Variants in PCSK6 observed in about 807,000 individuals in gnomAD.
PCSK6 encodes the protein proprotein convertase subtilisin/kexin type 6.
A neutral mutation model predicts 123.3 loss-of-function variants in PCSK6; 85 were observed. That is an observed-to-expected ratio of 0.69 (90% CI 0.58 to 0.83). PCSK6 has a LOEUF of 0.83. Among genes scored for constraint, PCSK6 ranks in the 40% least tolerant of loss-of-function variants. The pLI is 0.00. For missense variants in PCSK6, 1,191 were observed against 1,282.3 expected (o/e 0.93, Z 1.09); for synonymous variants, 508 against 516.0 (o/e 0.98, Z 0.21).
intron 6 of PCSK6, among the ~76,000 whole-genome samples, chr15:101,408,398 C>A (rs182353179): frequency 1.1e-4 from 17 of 152,360 alleles, no homozygotes; most frequent in African/African-American, 4.1e-4. Context: ...GCTATGCAGC[C>A]CACAGCATTC....
chr15:101,388,984 GATTAT>G (rs2042150332), intron 9 of PCSK6, among the ~76,000 whole-genome samples: 1 of 152,174 alleles, frequency 6.6e-6, no homozygotes, highest in African/African-American at 2.4e-5. Flanking sequence ...CTCAGAATAT[GATTAT>G]ATTTGGAGAT....
At chr15:101,397,846 G>A (rs2042460080) in intron 7 of PCSK6, among the ~76,000 whole-genome samples, 2 of 152,226 alleles carry the variant, frequency 1.3e-5, no homozygotes, top group South Asian at 4.1e-4. Context: ...TTGGCCCATC[G>A]GCAGAGAAGC....
At chr15:101,345,135 C>T (rs913275009) in intron 13 of PCSK6, among the ~76,000 whole-genome samples, 11 of 152,054 alleles carry the variant, frequency 7.2e-5, no homozygotes, top group Non-Finnish European at 1.2e-4. Context: ...AGGTGGGCTC[C>T]ACAGATGAAG....
At chr15:101,369,354 G>A (rs1257257267) in intron 12 of PCSK6, among the ~76,000 whole-genome samples, 1 of 152,186 alleles carries the variant, frequency 6.6e-6, no homozygotes. Context: ...GAGAGCCTTC[G>A]CTAGCCCCTG....
intron 13 of PCSK6, among the ~76,000 whole-genome samples, chr15:101,363,825 A>C (rs1208341707): frequency 6.7e-6 from 1 of 150,142 alleles, no homozygotes; most frequent in African/African-American, 2.5e-5. Flanking sequence ...TTTTTAGTAG[A>C]GATGGGGTTT....
chr15:101,472,891 A>G (rs956738736), intron 1 of PCSK6, among the ~76,000 whole-genome samples: 14 of 152,198 alleles, frequency 9.2e-5, no homozygotes, highest in Non-Finnish European at 2.1e-4. Context: ...AAGTGGAAAG[A>G]TCCTCTGGTT....
At chr15:101,387,922 G>C (rs2042115728) in intron 9 of PCSK6, among the ~76,000 whole-genome samples, 1 of 152,220 alleles carries the variant, frequency 6.6e-6, no homozygotes, top group Non-Finnish European at 1.5e-5. Flanking sequence ...GAGCGCTCTA[G>C]ACTGACATTG....
chr15:101,457,765 C>T (rs770657532), intron 1 of PCSK6, among the ~76,000 whole-genome samples: 2 of 152,172 alleles, frequency 1.3e-5, no homozygotes, highest in Non-Finnish European at 2.9e-5. Context: ...CCCTGGCCAC[C>T]CCTCTGGGTG....
intron 4 of PCSK6, 74 bp downstream of exon 4, chr15:101,431,246 T>G: frequency 6.6e-7 from 1 of 1,525,276 alleles, no homozygotes; most frequent in East Asian, 2.3e-5. Context: ...GACCTTACTG[T>G]TTTTAAACTT....
intron 6 of PCSK6, among the ~76,000 whole-genome samples, chr15:101,420,688 T>C (rs1197699225): frequency 6.6e-6 from 1 of 152,212 alleles, no homozygotes; most frequent in East Asian, 1.9e-4. Context: ...CAGATTTTTA[T>C]TAAAAAATTA....
At chr15:101,462,908 C>G (rs1368509929) in intron 1 of PCSK6, among the ~76,000 whole-genome samples, 2 of 152,072 alleles carry the variant, frequency 1.3e-5, no homozygotes, top group Non-Finnish European at 2.9e-5. Context: ...CTATGGGGGC[C>G]CAAGTCTGTG....
chr15:101,349,174 G>C (rs2040827083), intron 13 of PCSK6, among the ~76,000 whole-genome samples: 1 of 152,192 alleles, frequency 6.6e-6, no homozygotes, highest in South Asian at 2.1e-4. Flanking sequence ...CTTCCTGAAT[G>C]GCTCTGCCCC....
At chr15:101,443,804 C>G (rs887127963) in intron 1 of PCSK6, 144 bp from the exon 2 acceptor site, 1 of 659,326 alleles carries the variant, frequency 1.5e-6, no homozygotes, top group Non-Finnish European at 2.7e-6. Context: ...CTCCTCATAT[C>G]TCTGGCATGT....
chr15:101,444,333 A>G (rs2056832937), intron 1 of PCSK6, among the ~76,000 whole-genome samples: 1 of 152,152 alleles, frequency 6.6e-6, no homozygotes, highest in South Asian at 2.1e-4. Flanking sequence ...CTGTAGCACC[A>G]GCTTGTCCTC....
In PCSK6 at chr15:101,432,335, T is replaced by C. The variant is rs994199024; in HGVS notation, c.403-235A>G. ...CCACTCTGATAGATTTTGAAGTCGTTGTACTAAAAGAAAGAAAGTGCTCAC... is the reference window on the plus strand; with the variant it reads ...CCACTCTGATAGATTTTGAAGTCGTCGTACTAAAAGAAAGAAAGTGCTCAC... On this transcript the variant is annotated intron_variant, in intron 2 of 21. Coordinates refer to ENST00000611716, the MANE Select transcript of PCSK6 (RefSeq NM_002570.5). 4.0e-5 allele frequency among the ~76,000 whole-genome samples: 6 copies of C among 151,804 alleles called. No individual in the cohort carries two copies. The South Asian group carries it at 1.2e-3, about 32-fold the overall frequency.
intron 20 of PCSK6, among the ~76,000 whole-genome samples, chr15:101,309,770 G>C (rs1170678759): frequency 1.3e-5 from 2 of 152,384 alleles, no homozygotes; most frequent in East Asian, 3.9e-4. Flanking sequence ...ACAGAGGCCT[G>C]TTTTTCTTCC....
intron 1 of PCSK6, among the ~76,000 whole-genome samples, chr15:101,465,880 A>G (rs1425969344): frequency 6.6e-6 from 1 of 152,210 alleles, no homozygotes; most frequent in Non-Finnish European, 1.5e-5. Context: ...TAAAAGGCTC[A>G]ATGAAAACCA....
chr15:101,333,492 C>T (rs1009903826), intron 13 of PCSK6, among the ~76,000 whole-genome samples: 1 of 152,214 alleles, frequency 6.6e-6, no homozygotes, highest in African/African-American at 2.4e-5. Flanking sequence ...CATGGGGTTT[C>T]TTGGCAATCA....
intron 11 of PCSK6, among the ~76,000 whole-genome samples, chr15:101,372,245 TGC>T (rs750605233): frequency 2.6e-5 from 4 of 152,128 alleles, no homozygotes; most frequent in Non-Finnish European, 5.9e-5. Context: ...ACACGACCGG[TGC>T]TTGGCTTATT....
Sources: allele counts gnomAD v4.1 joint callset (sites outside exome capture counted in the v4.1 genomes callset), GRCh38; gene constraint gnomAD v4.1.1; transcripts MANE v1.5; gene names NCBI Gene and HGNC (gene_info 2026-07-23, HGNC 2026-07-21).